The following DPRX variants were observed in gnomAD, a reference collection of about 807,000 sequenced individuals.
DPRX encodes the protein divergent paired-related homeobox.
Under a neutral mutation model 8.4 loss-of-function variants are expected in DPRX, and 11 were observed. That is an observed-to-expected ratio of 1.31 (90% CI 0.82 to 2.17). The LOEUF (loss-of-function observed/expected upper bound fraction) is 2.17. DPRX is among the 30% of genes most tolerant of loss of function. DPRX has a pLI of 0.00. For missense variants in DPRX, 211 were observed against 236.7 expected, an observed-to-expected ratio of 0.89 and a Z score of 0.71; for synonymous variants, 72 against 87.0, an observed-to-expected ratio of 0.83 and a Z score of 0.96.
chr19:53,614,427 G>A, the DPRX span, among the ~76,000 whole-genome samples: 1 of 152,044 alleles, frequency 6.6e-6, no homozygotes, highest in South Asian at 2.1e-4. Context: ...GGCGGACCAC[G>A]GTGGCTCACG....
chr19:53,617,184 GTGTCCTATTGAGT>G, the DPRX span: 86 of 1,006,210 alleles, frequency 8.5e-5, no homozygotes, highest in Non-Finnish European at 1.3e-4. Flanking sequence ...GGATTCGTCT[GTGTCCTATTGAGT>G]TTTTTTCACG....
the DPRX span, chr19:53,603,474 T>C: frequency 2.2e-6 from 1 of 448,018 alleles, no homozygotes; most frequent in Non-Finnish European, 4.5e-6. Flanking sequence ...GGATTCTGCT[T>C]TGGGTACAGA....
chr19:53,608,132 C>T, the DPRX span: 1 of 146,878 alleles, frequency 6.8e-6, no homozygotes, highest in Non-Finnish European at 1.5e-5. Flanking sequence ...GATCGTGCCA[C>T]TGCACTCCAG....
At chr19:53,622,527 G>A in the DPRX span, among the ~76,000 whole-genome samples, 4 of 152,078 alleles carry the variant, frequency 2.6e-5, no homozygotes, top group Non-Finnish European at 5.9e-5. Flanking sequence ...TACTTTTACA[G>A]GGCTGTGGTT....
upstream of DPRX, among the ~76,000 whole-genome samples, chr19:53,631,158 G>A (rs561517018): frequency 2.0e-4 from 31 of 151,768 alleles, no homozygotes; most frequent in Non-Finnish European, 4.0e-4. Context: ...AGGCTTGGTG[G>A]TGGGTGCCTG....
At chr19:53,623,063 TGGGAGGCTGAGGC>T in the DPRX span, among the ~76,000 whole-genome samples, 48,547 of 151,330 alleles carry the variant, frequency 0.32, 8,417 homozygotes, top group Admixed American at 0.47. Flanking sequence ...CCCAGCACTT[TGGGAGGCTGAGGC>T]GGGCGGATCA....
chr19:53,636,675 C>T (rs752125092), exon 3 of DPRX: 6 of 1,613,936 alleles, frequency 3.7e-6, no homozygotes, highest in South Asian at 1.1e-5. Context: ...ACTCCACAAC[C>T]GCCAATACCA....
the DPRX span, among the ~76,000 whole-genome samples, chr19:53,610,723 T>C: frequency 6.6e-6 from 1 of 152,172 alleles, no homozygotes; most frequent in African/African-American, 2.4e-5. Flanking sequence ...TCTTAAAACA[T>C]TACGAGTTTG....
chr19:53,632,316 C>T (rs35635203), intron 1 of DPRX, among the ~76,000 whole-genome samples, 182 bp downstream of exon 1: 73,665 of 151,674 alleles, frequency 0.49, 18,332 homozygotes, highest in Admixed American at 0.55. Context: ...TTTTGTTTGT[C>T]TTTTGAGACA....
chr19:53,630,474 C>T (rs980897055), upstream of DPRX, among the ~76,000 whole-genome samples: 6 of 151,904 alleles, frequency 3.9e-5, no homozygotes, highest in Non-Finnish European at 7.4e-5. Context: ...CTCACCTAGG[C>T]CCAGGAGGTT....
the DPRX span, among the ~76,000 whole-genome samples, chr19:53,618,841 C>T: frequency 6.6e-6 from 1 of 151,972 alleles, no homozygotes. Context: ...CGCCACCAAA[C>T]CCGGCTAATT....
At chr19:53,608,980 GA>G in the DPRX span, among the ~76,000 whole-genome samples, 3 of 118,380 alleles carry the variant, frequency 2.5e-5, no homozygotes, top group African/African-American at 9.9e-5. Flanking sequence ...AAAAAGGAAA[GA>G]AAAGAAAGAA....
intron 2 of DPRX, 78 bp downstream of exon 2, chr19:53,634,763 T>TA: frequency 6.6e-7 from 1 of 1,514,150 alleles, no homozygotes; most frequent in Non-Finnish European, 8.9e-7. Context: ...GGATAATTCC[T>TA]GAGGTCTCAT....
At chr19:53,621,140 A>AT in the DPRX span, among the ~76,000 whole-genome samples, 8 of 151,310 alleles carry the variant, frequency 5.3e-5, no homozygotes, top group South Asian at 2.1e-4. Context: ...TTTATTTTTT[A>AT]TTTTTTTTCA....
chr19:53,608,086 C>T, the DPRX span, among the ~76,000 whole-genome samples: 1 of 148,930 alleles, frequency 6.7e-6, no homozygotes, highest in Non-Finnish European at 1.5e-5. Flanking sequence ...GCAGGAGAAT[C>T]GCTTGAACCC....
At chr19:53,603,293 G>C in the DPRX span, 2 of 452,070 alleles carry the variant, frequency 4.4e-6, no homozygotes, top group Non-Finnish European at 8.8e-6. Flanking sequence ...CTCCCTACTC[G>C]GCCCCCTGCC....
At chr19:53,622,262 G>A in the DPRX span, among the ~76,000 whole-genome samples, 3 of 152,082 alleles carry the variant, frequency 2.0e-5, no homozygotes, top group African/African-American at 7.2e-5. Flanking sequence ...CTTTCTTGAT[G>A]TCTTGCAGTA....
the DPRX span, among the ~76,000 whole-genome samples, chr19:53,622,129 C>T: frequency 6.6e-5 from 10 of 152,150 alleles, no homozygotes; most frequent in Non-Finnish European, 1.5e-4. Flanking sequence ...CTGGTGATGT[C>T]TGAGGAGGCA....
chr19:53,629,963 T>G (rs2091085310), upstream of DPRX: 2 of 152,070 alleles, frequency 1.3e-5, no homozygotes, highest in Non-Finnish European at 2.9e-5. Flanking sequence ...TCCCAGCACT[T>G]TGGGAGGCCA....
Sources: allele counts gnomAD v4.1 joint callset (sites outside exome capture counted in the v4.1 genomes callset), GRCh38; gene constraint gnomAD v4.1.1; transcripts MANE v1.5; gene names NCBI Gene and HGNC (gene_info 2026-07-23, HGNC 2026-07-21).